The following SNTG2 variants were observed in gnomAD, a reference collection of about 807,000 sequenced individuals.
SNTG2 encodes gamma-2-syntrophin.
Under a neutral mutation model 70.9 loss-of-function variants are expected in SNTG2, and 74 were observed. That is an observed-to-expected ratio of 1.04 (90% confidence interval 0.86 to 1.27). SNTG2 has a LOEUF of 1.27. Among genes scored for constraint, SNTG2 ranks in the 50% most tolerant of loss-of-function variants. The pLI is 0.00. For synonymous variants in SNTG2, 278 were observed against 273.8 expected (o/e 1.02, Z -0.15); for missense variants, 717 against 690.7 (o/e 1.04, Z -0.43).
chr2:1,075,982 G>C (rs1663888687), intron 1 of SNTG2, among the ~76,000 whole-genome samples: 1 of 152,196 alleles, frequency 6.6e-6, no homozygotes, highest in African/African-American at 2.4e-5. Flanking sequence ...AGAGCGGTGA[G>C]GCAGATTGCA....
At chr2:976,136 C>T (rs1331281714) in intron 1 of SNTG2, among the ~76,000 whole-genome samples, 1 of 152,100 alleles carries the variant, frequency 6.6e-6, no homozygotes, top group African/African-American at 2.4e-5. Flanking sequence ...GGATACAAGG[C>T]GATGAATCTG....
At chr2:1,119,422 C>G (rs1667241113) in intron 4 of SNTG2, among the ~76,000 whole-genome samples, 1 of 152,098 alleles carries the variant, frequency 6.6e-6, no homozygotes, top group Admixed American at 6.5e-5. Context: ...CCATACATGT[C>G]TCCAGTATGA....
At chr2:995,090 C>T (rs1661633897) in intron 1 of SNTG2, among the ~76,000 whole-genome samples, 1 of 151,534 alleles carries the variant, frequency 6.6e-6, no homozygotes, top group South Asian at 2.1e-4. Context: ...ATAGGCACAC[C>T]CAGTAAAATG....
At chr2:1,074,434 G>C (rs754066469) in intron 1 of SNTG2, among the ~76,000 whole-genome samples, 3 of 152,152 alleles carry the variant, frequency 2.0e-5, no homozygotes, top group Non-Finnish European at 4.4e-5. Context: ...CAGTTTTCAG[G>C]AATATTTATA....
At chr2:1,117,477 A>C (rs190606426) in intron 4 of SNTG2, among the ~76,000 whole-genome samples, 3 of 152,314 alleles carry the variant, frequency 2.0e-5, no homozygotes, top group Admixed American at 2.0e-4. Context: ...AAATCAATTA[A>C]AATATAACAT....
rs112250075 is a variant in SNTG2, at chr2:1,023,722, G to A, written c.73-59796G>A. ...GCCACTGTCAGCACATCTGCACCCC[G>A]CGTAGTCTGGGGACATTTAGACAGC... On this transcript the variant is annotated intron_variant, in intron 1 of 16. Transcript: ENST00000308624. Among the ~76,000 whole-genome samples the A allele has an allele frequency of 2.0e-3, 305 of 152,252 alleles. 2 individuals are homozygous for A. Among genetic ancestry groups the A allele is most frequent in the African/African-American group, 6.1e-3 (255 of 41,530 alleles).
intron 16 of SNTG2, among the ~76,000 whole-genome samples, chr2:1,358,380 A>ATTT (rs35158260): frequency 2.0e-5 from 3 of 149,446 alleles, no homozygotes; most frequent in Non-Finnish European, 3.0e-5. Context: ...TCCAATCTTT[A>ATTT]TTTTTTTTTT....
At chr2:1,096,299 A>G (rs1050882438) in intron 2 of SNTG2, among the ~76,000 whole-genome samples, 3 of 152,226 alleles carry the variant, frequency 2.0e-5, no homozygotes, top group African/African-American at 7.2e-5. Flanking sequence ...CAAACAAGCT[A>G]ATACATACAT....
At chr2:1,214,248 T>C (rs1189083270) in intron 9 of SNTG2, among the ~76,000 whole-genome samples, 1 of 152,220 alleles carries the variant, frequency 6.6e-6, no homozygotes, top group Non-Finnish European at 1.5e-5. Flanking sequence ...TATGGTTCCA[T>C]ATACATTTTA....
intron 16 of SNTG2, among the ~76,000 whole-genome samples, chr2:1,354,233 G>A (rs1462059789): frequency 6.6e-6 from 1 of 151,140 alleles, no homozygotes; most frequent in Non-Finnish European, 1.5e-5. Context: ...GTGGAAGAAC[G>A]CCGGGCTGGA....
At chr2:954,681 C>G (rs1362055126) in intron 1 of SNTG2, among the ~76,000 whole-genome samples, 1 of 152,144 alleles carries the variant, frequency 6.6e-6, no homozygotes, top group African/African-American at 2.4e-5. Flanking sequence ...GGGTGTAATC[C>G]CTCACCTGAG....
chr2:1,259,071 A>G (rs1335424587), intron 12 of SNTG2, among the ~76,000 whole-genome samples: 1 of 152,226 alleles, frequency 6.6e-6, no homozygotes, highest in Admixed American at 6.5e-5. Flanking sequence ...GCCCAATTGC[A>G]TGTGATAGAC....
intron 14 of SNTG2, among the ~76,000 whole-genome samples, chr2:1,297,614 C>T (rs1680278009): frequency 1.3e-5 from 2 of 152,344 alleles, no homozygotes; most frequent in South Asian, 4.1e-4. Context: ...TCTGCAGCTC[C>T]TTCCCAGTGG....
At chr2:1,178,863 G>A (rs1039227233) in intron 8 of SNTG2, among the ~76,000 whole-genome samples, 2 of 152,174 alleles carry the variant, frequency 1.3e-5, no homozygotes, top group African/African-American at 4.8e-5. Context: ...GACTGGAATA[G>A]TTTCAGAAGG....
intron 1 of SNTG2, among the ~76,000 whole-genome samples, chr2:959,748 A>G (rs1427411235): frequency 1.4e-5 from 2 of 148,132 alleles, no homozygotes; most frequent in African/African-American, 2.5e-5. Flanking sequence ...GATGGAGGGA[A>G]CCTTTGGGGA....
intron 8 of SNTG2, among the ~76,000 whole-genome samples, chr2:1,203,281 G>A (rs1486032987): frequency 6.6e-6 from 1 of 152,140 alleles, no homozygotes; most frequent in East Asian, 1.9e-4. Flanking sequence ...AGGAAATAGA[G>A]GAGGTTGAAA....
chr2:1,136,357 G>C (rs986135707), intron 4 of SNTG2, among the ~76,000 whole-genome samples: 7 of 151,642 alleles, frequency 4.6e-5, no homozygotes, highest in African/African-American at 1.7e-4. Context: ...CCGAGAGGGA[G>C]GGGGGCAGTT....
chr2:962,065 A>T (rs1660366105), intron 1 of SNTG2, among the ~76,000 whole-genome samples: 1 of 152,228 alleles, frequency 6.6e-6, no homozygotes, highest in Admixed American at 6.5e-5. Context: ...ATGTGGAAAT[A>T]CTGGTAACCT....
chr2:988,866 A>G (rs986937805), intron 1 of SNTG2, among the ~76,000 whole-genome samples: 1 of 152,224 alleles, frequency 6.6e-6, no homozygotes, highest in Non-Finnish European at 1.5e-5. Flanking sequence ...GAATTTTTCA[A>G]TCTATGAACA....
Sources: allele counts gnomAD v4.1 joint callset (sites outside exome capture counted in the v4.1 genomes callset), GRCh38; gene constraint gnomAD v4.1.1; transcripts MANE v1.5; gene names NCBI Gene and HGNC (gene_info 2026-07-23, HGNC 2026-07-21).